TASP1: variants seen among roughly 807,000 people sequenced by gnomAD.
TASP1 encodes taspase 1.
A neutral mutation model predicts 56.6 loss-of-function variants in TASP1; 16 were observed. The ratio of observed to expected loss-of-function variants is 0.28; its 90% CI spans 0.19 to 0.43. The LOEUF (loss-of-function observed/expected upper bound fraction) is 0.43. Among genes scored for constraint, TASP1 ranks in the 20% least tolerant of loss-of-function variants. The probability of loss-of-function intolerance (pLI) is 1.00; values close to 1 mark genes in which losing one functional copy is unlikely to be tolerated. For missense variants in TASP1, 393 were observed against 511.6 expected (o/e 0.77, Z 2.24); for synonymous variants, 179 against 184.2 (o/e 0.97, Z 0.23).
Position 13,483,332 on chromosome 20 carries a change from C to A in TASP1, c.880G>T (p.Gly294Ter). 6.4e-7 allele frequency: 1 copy of A among 1,559,262 alleles called. No individual in the cohort carries two copies. The highest frequency in any genetic ancestry group is 8.7e-7 in the Non-Finnish European group (1 of 1,151,256). Residue 294 changes from glycine (G) to a stop codon, truncating the protein, a stop_gained, in exon 11 of 14, where the codon GGA becomes TGA. Transcript: ENST00000337743. LOFTEE classifies it high-confidence loss of function. ...AGTATGGTGCGCACAAGATGCTCTC[C>A]ACATCCTAGAAATCCAAAGAAACCA... is the stretch of plus-strand genomic sequence containing the variant. ...YSTAVSTSGC[G>*]EHLVRTILAR...
the TASP1 span, among the ~76,000 whole-genome samples, chr20:13,314,822 T>C: frequency 2.0e-5 from 3 of 152,236 alleles, no homozygotes; most frequent in South Asian, 2.1e-4. Flanking sequence ...CATATCTATA[T>C]CTATCTATAT....
chr20:13,309,044 A>G, the TASP1 span, among the ~76,000 whole-genome samples: 1 of 152,250 alleles, frequency 6.6e-6, no homozygotes, highest in East Asian at 1.9e-4. Context: ...CACTCAGTCT[A>G]TGGTAGTTTG....
chr20:13,304,380 C>T, the TASP1 span, among the ~76,000 whole-genome samples: 1 of 152,094 alleles, frequency 6.6e-6, no homozygotes, highest in Non-Finnish European at 1.5e-5. Context: ...CTTCTCACTC[C>T]CCCACTGTCT....
chr20:13,214,562 CAGAG>C, the TASP1 span, among the ~76,000 whole-genome samples: 1,353 of 111,262 alleles, frequency 0.012, 19 homozygotes, highest in South Asian at 0.045. Context: ...CACACACACA[CAGAG>C]AGAGAGAGAG....
chr20:13,154,052 A>C, the TASP1 span: 1 of 1,614,138 alleles, frequency 6.2e-7, no homozygotes, highest in Non-Finnish European at 8.5e-7. Context: ...ACTTCAGACA[A>C]AGACTGCAGG....
At chr20:13,276,506 A>C in the TASP1 span, among the ~76,000 whole-genome samples, 1 of 152,210 alleles carries the variant, frequency 6.6e-6, no homozygotes, top group Non-Finnish European at 1.5e-5. Flanking sequence ...GGAGCTGGGG[A>C]GATTGTGCCA....
chr20:13,230,740 G>A, the TASP1 span, among the ~76,000 whole-genome samples: 265 of 147,284 alleles, frequency 1.8e-3, no homozygotes, highest in Middle Eastern at 0.011. Context: ...AAGGGAATGT[G>A]TTGTAGAAAA....
chr20:13,458,266 T>G (rs1232236295), intron 11 of TASP1, among the ~76,000 whole-genome samples: 1 of 152,212 alleles, frequency 6.6e-6, no homozygotes, highest in Non-Finnish European at 1.5e-5. Flanking sequence ...AGTATTGTTT[T>G]GATGGTGAAC....
chr20:13,123,379 G>A, the TASP1 span, among the ~76,000 whole-genome samples: 3 of 151,470 alleles, frequency 2.0e-5, no homozygotes, highest in African/African-American at 4.9e-5. Context: ...GTTTCACTGT[G>A]TACCAGATGC....
At chr20:13,111,751 G>A in the TASP1 span, among the ~76,000 whole-genome samples, 1 of 152,170 alleles carries the variant, frequency 6.6e-6, no homozygotes, top group African/African-American at 2.4e-5. Context: ...AGCAGACTGG[G>A]CATCTCCTTT....
At position 13,406,536 on chromosome 20, in the gene TASP1, T is replaced by C. The variant is rs557953905; in HGVS notation, c.1170+10912A>G. 3.3e-4 allele frequency among the ~76,000 whole-genome samples: 50 copies of C among 152,308 alleles called. No individual in the cohort carries two copies. In the Middle Eastern group the frequency reaches 0.01, roughly 31 times the overall value. On this transcript the variant is annotated intron_variant, in intron 13 of 13. Transcript: ENST00000337743. ...GATGAGTGGATGCCCTCTTTGTCTG[T>C]TGTCAGTGTTAGAAAGAAAGTGTTC...
downstream of TASP1, among the ~76,000 whole-genome samples, chr20:13,384,576 C>T (rs1277001937): frequency 6.6e-6 from 1 of 152,042 alleles, no homozygotes; most frequent in African/African-American, 2.4e-5. Flanking sequence ...TAATACCTTG[C>T]GGACTTGAAT....
At chr20:13,156,570 A>T in the TASP1 span, among the ~76,000 whole-genome samples, 2 of 152,212 alleles carry the variant, frequency 1.3e-5, no homozygotes, top group South Asian at 2.1e-4. Context: ...ATCTTATTTC[A>T]TAAGGTTACT....
chr20:13,224,738 A>G, the TASP1 span, among the ~76,000 whole-genome samples: 1 of 152,198 alleles, frequency 6.6e-6, no homozygotes, highest in African/African-American at 2.4e-5. Flanking sequence ...AGGACGCCCA[A>G]TAAAGTAGTA....
chr20:13,164,536 G>A, the TASP1 span: 13 of 578,368 alleles, frequency 2.2e-5, no homozygotes, highest in East Asian at 3.7e-4. Flanking sequence ...TTCATAGTAT[G>A]GAGTTAGACC....
the TASP1 span, among the ~76,000 whole-genome samples, chr20:13,155,712 G>A: frequency 6.6e-6 from 1 of 152,102 alleles, no homozygotes; most frequent in South Asian, 2.1e-4. Flanking sequence ...TGTAGTCCCA[G>A]CTACTCGGGA....
the TASP1 span, among the ~76,000 whole-genome samples, chr20:13,123,946 C>T: frequency 0.052 from 7,943 of 152,184 alleles, 257 homozygotes; most frequent in South Asian, 0.082. Flanking sequence ...CTCAGGAGCA[C>T]GGAACATGCC....
the TASP1 span, among the ~76,000 whole-genome samples, chr20:13,264,385 T>C: frequency 1.2e-4 from 19 of 152,286 alleles, no homozygotes; most frequent in African/African-American, 2.4e-5. Context: ...CAGTCCTTGG[T>C]TGGTGTTTGC....
At chr20:13,406,783 C>G (rs1391860950) in intron 13 of TASP1, among the ~76,000 whole-genome samples, 1 of 151,476 alleles carries the variant, frequency 6.6e-6, no homozygotes, top group African/African-American at 2.4e-5. Context: ...TCTCCTGCCT[C>G]AGCCTCCCGA....
Sources: allele counts gnomAD v4.1 joint callset (sites outside exome capture counted in the v4.1 genomes callset), GRCh38; gene constraint gnomAD v4.1.1; transcripts MANE v1.5; gene names NCBI Gene and HGNC (gene_info 2026-07-23, HGNC 2026-07-21).